RNF17: variants seen among roughly 807,000 people sequenced by gnomAD.
The protein encoded by RNF17 is ring finger protein 17.
In RNF17, 31 loss-of-function variants were observed where a neutral mutation model predicts 200.5. The ratio of observed to expected loss-of-function variants is 0.15; its 90% confidence interval spans 0.12 to 0.21. The LOEUF is 0.21. RNF17 is among the 10% of genes least tolerant of loss of function. The probability of loss-of-function intolerance (pLI) is 1.00; values close to 1 mark genes in which losing one functional copy is unlikely to be tolerated. For missense variants in RNF17, 1,628 were observed against 1,905.1 expected, an observed-to-expected ratio of 0.85 and a Z score of 2.71; for synonymous variants, 606 against 637.8, an observed-to-expected ratio of 0.95 and a Z score of 0.75.
intron 13 of RNF17, among the ~76,000 whole-genome samples, chr13:24,801,094 T>C (rs1014581542): frequency 5.3e-5 from 8 of 152,120 alleles, no homozygotes; most frequent in Non-Finnish European, 2.9e-5. Context: ...CAACACATAC[T>C]TGAAATAACA....
At position 24,802,506 on chromosome 13, in the gene RNF17, G is replaced by T. The variant is rs922809271; in HGVS notation, c.1884G>T (p.Pro628=). The T allele has an allele frequency of 6.2e-7, 1 of 1,613,596 alleles. No homozygotes were observed. Among genetic ancestry groups the T allele is most frequent in the Admixed American group, 1.7e-5 (1 of 59,954 alleles). ...TTGTAGATCTGCAAAAACCACCACC[G>T]AATAAAATAAGCAGTGATATGCCTG... is the stretch of plus-strand genomic sequence containing the variant. ...VLIVDLQKPP[P]NKISSDMPVS... Residue 628 remains proline (P), a synonymous_variant, in exon 14 of 36, where the codon CCG becomes CCT. Coordinates refer to ENST00000255324, the MANE Select transcript of RNF17 (RefSeq NM_031277.3).
the RNF17 span, among the ~76,000 whole-genome samples, chr13:24,753,354 T>C: frequency 8.5e-5 from 13 of 152,350 alleles, no homozygotes; most frequent in African/African-American, 2.9e-4. Flanking sequence ...GGCCTCCTGA[T>C]ACTTAATAAA....
chr13:24,766,009 C>G (rs1879627715), intron 1 of RNF17, among the ~76,000 whole-genome samples: 1 of 152,208 alleles, frequency 6.6e-6, no homozygotes, highest in African/African-American at 2.4e-5. Flanking sequence ...GGGCGGATCA[C>G]TTGAGGTCGG....
intron 29 of RNF17, 147 bp from the exon 30 acceptor site, chr13:24,865,997 G>A: frequency 3.4e-6 from 2 of 591,648 alleles, no homozygotes; most frequent in Middle Eastern, 3.2e-4. Flanking sequence ...AGATTATTCA[G>A]AACATTAGAT....
intron 27 of RNF17, 39 bp downstream of exon 27, chr13:24,861,426 T>C: frequency 8.0e-7 from 1 of 1,253,012 alleles, no homozygotes; most frequent in Non-Finnish European, 1.1e-6. Context: ...TAATTTTAAA[T>C]ATTAGTTTTT....
chr13:24,883,848 A>G, downstream of RNF17: 1 of 1,119,038 alleles, frequency 8.9e-7, no homozygotes, highest in Non-Finnish European at 1.4e-6. Flanking sequence ...TTCAAACTGA[A>G]CCCCCTAATA....
At chr13:24,877,273 T>C in intron 34 of RNF17, 87 bp downstream of exon 34, 1 of 1,057,328 alleles carries the variant, frequency 9.5e-7, no homozygotes, top group Non-Finnish European at 1.4e-6. Context: ...AGCGTCTACA[T>C]GCGAGAGTAT....
chr13:24,883,087 TACACAATAA>T, downstream of RNF17: 1 of 1,172,986 alleles, frequency 8.5e-7, no homozygotes, highest in Non-Finnish European at 1.3e-6. Flanking sequence ...TCCCCACACA[TACACAATAA>T]ATTAAACAGA....
At chr13:24,770,473 A>T (rs1337638737) in intron 2 of RNF17, among the ~76,000 whole-genome samples, 3 of 152,190 alleles carry the variant, frequency 2.0e-5, no homozygotes, top group Admixed American at 6.5e-5. Context: ...AAATCTGCTG[A>T]TAATAGCATT....
chr13:24,833,292 A>G (rs1016281729), intron 18 of RNF17, among the ~76,000 whole-genome samples: 10 of 152,224 alleles, frequency 6.6e-5, no homozygotes, highest in South Asian at 2.1e-4. Context: ...GCTAGAAATG[A>G]TAGTATATCT....
chr13:24,886,455 TCAG>T, the RNF17 span: 1 of 783,644 alleles, frequency 1.3e-6, no homozygotes, highest in African/African-American at 1.8e-5. Context: ...CTGCCACACA[TCAG>T]CAATTTCATA....
intron 22 of RNF17, 112 bp from the exon 23 acceptor site, chr13:24,850,225 CTACA>C (rs1346276294): frequency 2.0e-6 from 1 of 496,732 alleles, no homozygotes; most frequent in Non-Finnish European, 3.5e-6. Flanking sequence ...GTTTTTTTTA[CTACA>C]TATAGTTGGT....
At chr13:24,772,645 C>CT (rs1880934631) in intron 2 of RNF17, among the ~76,000 whole-genome samples, 1 of 150,998 alleles carries the variant, frequency 6.6e-6, no homozygotes, top group Non-Finnish European at 1.5e-5. Flanking sequence ...GAGTTTCGCT[C>CT]TGTCACCCAG....
At chr13:24,853,578 C>A (rs1041317111) in intron 24 of RNF17, among the ~76,000 whole-genome samples, 2 of 152,062 alleles carry the variant, frequency 1.3e-5, no homozygotes, top group African/African-American at 4.8e-5. Context: ...ACATTGAATT[C>A]ATTGTACAAT....
intron 15 of RNF17, among the ~76,000 whole-genome samples, chr13:24,817,552 G>C (rs1593331985): frequency 6.6e-6 from 1 of 151,800 alleles, no homozygotes; most frequent in Admixed American, 6.6e-5. Context: ...AACCCCATCT[G>C]TACTAAAAAT....
intron 23 of RNF17, among the ~76,000 whole-genome samples, chr13:24,850,912 G>A (rs568969014): frequency 6.6e-6 from 1 of 152,240 alleles, no homozygotes; most frequent in African/African-American, 2.4e-5. Context: ...TTTCCAGTTT[G>A]ATTTTTTTTC....
At position 24,854,084 on chromosome 13, in the gene RNF17, G is replaced by C; in HGVS notation, c.3550G>C (p.Glu1184Gln). 1.2e-6 allele frequency: 2 copies of C among 1,614,014 alleles called. No individual in the cohort carries two copies. Among genetic ancestry groups the C allele is most frequent in the Non-Finnish European group, 1.7e-6 (2 of 1,179,916 alleles). Reference protein sequence around the residue: ...PPAIPNMNVFEATVSCVGDDG... With the variant: ...PPAIPNMNVFQATVSCVGDDG... Reference sequence around the variant, plus strand: ...AGCTATTCCTAACATGAACGTATTTGAGGCAACAGTCAGCTGTGTTGGTGA... The same window carrying C: ...AGCTATTCCTAACATGAACGTATTTCAGGCAACAGTCAGCTGTGTTGGTGA... Residue 1184 changes from glutamate to glutamine, a missense_variant, in exon 25 of 36, where the codon GAG becomes CAG. Glu to Gln is a conservative substitution (Grantham distance 29). This residue lies in a region of RNF17 where 609 missense variants were observed against 681.9 expected (regional missense o/e 0.89). Coordinates refer to ENST00000255324, the MANE Select transcript of RNF17 (RefSeq NM_031277.3).
intron 3 of RNF17, among the ~76,000 whole-genome samples, chr13:24,777,692 C>T (rs936808789): frequency 6.6e-6 from 1 of 152,086 alleles, no homozygotes; most frequent in African/African-American, 2.4e-5. Flanking sequence ...TATCACATTT[C>T]ATTGATTATC....
At chr13:24,862,823 ATTAC>A in intron 28 of RNF17, 30 bp downstream of exon 28, 1 of 1,214,886 alleles carries the variant, frequency 8.2e-7, no homozygotes, top group Non-Finnish European at 1.2e-6. Context: ...GTTGTTATAA[ATTAC>A]TTGCCATAAA....
Sources: gnomAD v4.1 joint callset for allele counts (sites outside exome capture counted in the v4.1 genomes callset) on GRCh38, gnomAD v4.1.1 for gene constraint, gnomAD v4.1.1 regional missense constraint, MANE v1.5 for transcripts, NCBI Gene and HGNC (gene_info 2026-07-23, HGNC 2026-07-21) for gene names.